The following KDM5C variants were observed in gnomAD, a reference collection of about 807,000 sequenced individuals.
The protein encoded by KDM5C is lysine-specific demethylase 5C.
In KDM5C, 16 loss-of-function variants were observed where a neutral mutation model predicts 110.6. The observed-to-expected ratio is 0.14, with a 90% CI of 0.10 to 0.22. The LOEUF is 0.22. KDM5C is among the 10% of genes least tolerant of loss of function. The pLI, the probability that KDM5C is intolerant of heterozygous loss-of-function variation, is 1.00. For synonymous variants in KDM5C, 511 were observed against 520.4 expected (o/e 0.98, Z 0.24); for missense variants, 681 against 1,300.9 (o/e 0.52, Z 7.33).
At chrX:53,184,704 T>C (rs1237958340) in intron 25 of KDM5C, among the ~76,000 whole-genome samples, 1 of 112,320 alleles carries the variant, frequency 8.9e-6, no homozygotes, top group Non-Finnish European at 1.9e-5. Context: ...TAATATGCTG[T>C]TGGATTTAGT....
chrX:53,181,133 A>T (rs1399203389), intron 25 of KDM5C, among the ~76,000 whole-genome samples: 3 of 108,307 alleles, frequency 2.8e-5, no homozygotes, highest in African/African-American at 6.7e-5. Flanking sequence ...TTATATATAT[A>T]TATTTTTTTT....
intron 8 of KDM5C, among the ~76,000 whole-genome samples, chrX:53,213,199 A>G (rs1556849849): frequency 9.0e-6 from 1 of 111,522 alleles, no homozygotes; most frequent in African/African-American, 3.3e-5. Flanking sequence ...ATGTTTGAAA[A>G]ATAAATGTCC....
chrX:53,194,891 T>C (rs1934717624), intron 22 of KDM5C, 40 bp downstream of exon 22: 4 of 1,207,997 alleles, frequency 3.3e-6, no homozygotes, highest in African/African-American at 1.7e-5. Context: ...CACTCTATCA[T>C]CACCAAGCCC....
chrX:53,194,177 C>G lies in KDM5C; in HGVS notation c.4000G>C (p.Asp1334His). The change falls in exon 23 of 26, where the codon GAC becomes CAC. Residue 1334 changes from aspartate to histidine, a missense_variant. Transcript: ENST00000375401. ...PPNYPAAPAS[D>H]PLREGSGKDM... is the part of the protein sequence containing the mutation. ...TTGCCACTGCCCTCTCTGAGGGGGT[C>G]AGAAGCAGGGGCTGCAGGGTAGTTA... 1 of 1,208,209 alleles carries G rather than the reference C, an allele frequency of 8.3e-7. No individual in the cohort carries two copies. Among genetic ancestry groups the G allele is most frequent in the Non-Finnish European group, 1.1e-6 (1 of 893,481 alleles).
At chrX:53,201,495 T>C in intron 14 of KDM5C, 55 bp downstream of exon 14, 1 of 1,128,065 alleles carries the variant, frequency 8.9e-7, no homozygotes, top group Non-Finnish European at 1.2e-6. Flanking sequence ...GTGCTGCCTC[T>C]GCCTCCCCGA....
chrX:53,183,517 C>T (rs782673664), intron 25 of KDM5C, among the ~76,000 whole-genome samples: 10 of 108,436 alleles, frequency 9.2e-5, no homozygotes, highest in Admixed American at 2.0e-4. Context: ...TGGCTATTCA[C>T]GGCCCCTTGT....
chrX:53,190,067 T>C (rs1177855493), downstream of KDM5C, among the ~76,000 whole-genome samples: 3 of 111,867 alleles, frequency 2.7e-5, no homozygotes, highest in African/African-American at 9.7e-5. Context: ...GAAAATGACT[T>C]TGAGGTGAGA....
intron 21 of KDM5C, 69 bp downstream of exon 21, chrX:53,195,162 T>G: frequency 8.5e-7 from 1 of 1,170,621 alleles, no homozygotes; most frequent in South Asian, 1.9e-5. Flanking sequence ...CCATGTTATC[T>G]CATGAGCCAT....
At chrX:53,215,682 G>A in intron 7 of KDM5C, 113 bp downstream of exon 7, 10 of 766,110 alleles carry the variant, frequency 1.3e-5, no homozygotes, top group Non-Finnish European at 1.8e-5. Flanking sequence ...TGAGGGCAGG[G>A]CCCATGGAGG....
intron 5 of KDM5C, 142 bp downstream of exon 5, chrX:53,217,001 C>A: frequency 1.3e-6 from 1 of 754,236 alleles, no homozygotes; most frequent in South Asian, 2.3e-5. Context: ...AAGAGTGAAG[C>A]CAGAGAGAGG....
At chrX:53,206,651 G>C (rs1221535578) in intron 12 of KDM5C, among the ~76,000 whole-genome samples, 1 of 109,547 alleles carries the variant, frequency 9.1e-6, no homozygotes, top group Non-Finnish European at 1.9e-5. Context: ...ATCACTTGAA[G>C]TCAGGAGTTC....
rs781814182 is a variant in KDM5C at position 53,215,678 on chromosome X, C to T, written c.963+117G>A. 6 of 732,781 alleles carry T rather than the reference C, an allele frequency of 8.2e-6. No homozygotes were observed. In the East Asian group the frequency reaches 1.3e-4, roughly 16 times the overall value. 60.4% of individuals were successfully genotyped at this position (732,781 alleles called of 1,213,427 possible). ...CCCAATTAAGTGAGCTACCTGAGGG[C>T]AGGGCCCATGGAGGCCCGCTTTTGT... On this transcript the variant is annotated intron_variant, in intron 7 of 25. Transcript: ENST00000375401.
At chrX:53,196,601 C>T (rs1934876303) in intron 19 of KDM5C, 85 bp downstream of exon 19, 1 of 780,769 alleles carries the variant, frequency 1.3e-6, no homozygotes, top group Non-Finnish European at 2.0e-6. Context: ...ATACCTAAGG[C>T]CACCCATGGG....
chrX:53,190,221 G>A (rs944456031), downstream of KDM5C, among the ~76,000 whole-genome samples: 1 of 112,610 alleles, frequency 8.9e-6, no homozygotes, highest in Non-Finnish European at 1.9e-5. Context: ...CTCTGGAAGA[G>A]GTTAGATTTG....
At chrX:53,208,398 T>C (rs1165937054) in intron 12 of KDM5C, among the ~76,000 whole-genome samples, 2 of 77,056 alleles carry the variant, frequency 2.6e-5, no homozygotes, top group Non-Finnish European at 4.6e-5. Flanking sequence ...TATGTATATA[T>C]ACATATATAT....
Position 53,223,169 on chromosome X carries a change from A to G in KDM5C, c.150+1571T>C, listed in dbSNP as rs2073941529. 2.7e-5 allele frequency among the ~76,000 whole-genome samples: 3 copies of G among 111,732 alleles called. No homozygotes were observed. The South Asian group carries it at 1.1e-3, about 42-fold the overall frequency. ...TACACAAGGCCAGCCTGCCTAAGTCAGTCCAAGATAGAAAAAAGGAATTCA... is the reference window on the plus strand; with the variant it reads ...TACACAAGGCCAGCCTGCCTAAGTCGGTCCAAGATAGAAAAAAGGAATTCA... On this transcript the variant is annotated intron_variant, in intron 1 of 25. Coordinates refer to ENST00000375401, the MANE Select transcript of KDM5C (RefSeq NM_004187.5).
chrX:53,186,491 C>T (rs957353146), downstream of KDM5C, among the ~76,000 whole-genome samples: 14 of 111,858 alleles, frequency 1.3e-4, no homozygotes, highest in African/African-American at 4.2e-4. Context: ...ACTCCACCAC[C>T]GAATAGAATA....
chrX:53,208,704 C>T (rs1318762215), intron 12 of KDM5C, among the ~76,000 whole-genome samples: 3 of 105,090 alleles, frequency 2.9e-5, no homozygotes, highest in Non-Finnish European at 5.8e-5. Flanking sequence ...GAGGTTTCAC[C>T]ATGTTGGCCA....
rs1412061884 is a variant in KDM5C at position 53,177,786 on chromosome X, AACAGGTCT to A, written c.4309-1172_4309-1165del. Among the ~76,000 whole-genome samples, 4 of 112,372 alleles carry A rather than the reference AACAGGTCT, an allele frequency of 3.6e-5. No homozygotes were observed. In the East Asian group the frequency reaches 1.1e-3, roughly 31 times the overall value. On this transcript the variant is annotated intron_variant, in intron 25 of 25. Transcript: ENST00000685641. ...TAAATTGTTAAATGTTTGAGAAGGA[AACAGGTCT>A]ACTTGTACACGTCTTTCTGGTCTGT...
Sources: gnomAD v4.1 joint callset for allele counts (sites outside exome capture counted in the v4.1 genomes callset) on GRCh38, gnomAD v4.1.1 for gene constraint, MANE v1.5 for transcripts, NCBI Gene and HGNC (gene_info 2026-07-23, HGNC 2026-07-21) for gene names.